CCKBR: variants seen among roughly 807,000 people sequenced by gnomAD.
CCKBR encodes the protein cholecystokinin B receptor.
In CCKBR, 33 loss-of-function variants were observed where a neutral mutation model predicts 34.6. The observed-to-expected ratio is 0.95, with a 90% CI of 0.72 to 1.27. The LOEUF (loss-of-function observed/expected upper bound fraction) is 1.27, where lower values mean the gene tolerates loss of function less well. Among genes scored for constraint, CCKBR ranks in the 50% most tolerant of loss-of-function variants. The pLI, the probability that CCKBR is intolerant of heterozygous loss-of-function variation, is 0.00. For missense variants in CCKBR, 652 were observed against 617.4 expected, an observed-to-expected ratio of 1.06 and a Z score of -0.59; for synonymous variants, 269 against 267.5, an observed-to-expected ratio of 1.01 and a Z score of -0.06.
chr11:6,261,454 A>AAAT lies in CCKBR; in HGVS notation c.151+1376_151+1377insATA, dbSNP rs1447691939. On this transcript the variant is annotated intron_variant, in intron 1 of 4. Transcript: ENST00000334619. ...GTTGGCAAAAAAAAAAAAAAAAAAA[A>AAAT]ATATATATACACACACACACACACA... Among the ~76,000 whole-genome samples the AAAT allele has an allele frequency of 1.1e-3, 70 of 60,882 alleles. 4 individuals carry two copies. The highest frequency in any genetic ancestry group is 4.1e-3 in the African/African-American group (66 of 15,944). The allele number at this position is 60,882 out of a possible 152,430, so 39.9% of individuals were successfully genotyped here.
At position 6,271,548 on chromosome 11, in the gene CCKBR, T is replaced by G. The variant is rs760096070; in HGVS notation, c.*5T>G. 2.4e-5 allele frequency: 38 copies of G among 1,578,438 alleles called. No individual in the cohort carries two copies. Among genetic ancestry groups the G allele is most frequent in the Non-Finnish European group, 3.0e-5 (35 of 1,162,662 alleles). ...AGCACACTGGGCCCTGGCTGAGGAG[T>G]AGAGGGGCCGTGGGGGTTGAGGCAG... On this transcript the variant is annotated 3_prime_UTR_variant, in exon 5 of 5. Transcript: ENST00000334619.
chr11:6,269,539 C>A (rs1222339162), intron 1 of CCKBR, 130 bp from the exon 2 acceptor site: 3 of 1,061,382 alleles, frequency 2.8e-6, no homozygotes, highest in Non-Finnish European at 4.2e-6. Flanking sequence ...TCACCATTTA[C>A]TGAGCAGTTC....
chr11:6,269,130 C>G (rs1160375701), intron 1 of CCKBR, among the ~76,000 whole-genome samples: 1 of 137,700 alleles, frequency 7.3e-6, no homozygotes, highest in Non-Finnish European at 1.5e-5. Context: ...GGGTTGCAGA[C>G]AGTAGAGAGT....
chr11:6,267,719 C>G (rs1305496748), intron 1 of CCKBR, among the ~76,000 whole-genome samples: 1 of 152,170 alleles, frequency 6.6e-6, no homozygotes, highest in African/African-American at 2.4e-5. Flanking sequence ...ATATGACTGA[C>G]AGCACAGTAG....
chr11:6,270,440 C>A, intron 3 of CCKBR, 103 bp downstream of exon 3: 1 of 1,464,074 alleles, frequency 6.8e-7, no homozygotes, highest in Non-Finnish European at 9.3e-7. Context: ...AGAATTACCA[C>A]GCCAACTCCT....
intron 1 of CCKBR, among the ~76,000 whole-genome samples, chr11:6,265,336 A>G (rs1219579648): frequency 6.6e-6 from 1 of 152,230 alleles, no homozygotes; most frequent in East Asian, 1.9e-4. Context: ...TATAAGGGTA[A>G]TATTTAGCTC....
In CCKBR at chr11:6,269,621, T is replaced by A. The variant is rs112907792; in HGVS notation, c.152-48T>A. ...TAAGACGGAAGGAGGGGGATTTGAC[T>A]GAATGAAGGCTGACCCCCTACTGCC... On this transcript the variant is annotated intron_variant, in intron 1 of 4. Transcript: ENST00000334619. 3.5e-5 allele frequency: 56 copies of A among 1,596,392 alleles called. No individual in the cohort carries two copies. The African/African-American group carries it at 3.7e-4, about 11-fold the overall frequency.
intron 1 of CCKBR, among the ~76,000 whole-genome samples, chr11:6,263,575 A>C (rs1308805513): frequency 6.7e-6 from 1 of 149,460 alleles, no homozygotes; most frequent in Non-Finnish European, 1.5e-5. Flanking sequence ...GGCTCAAGTG[A>C]TCCTCCCACC....
chr11:6,269,679 G>A lies in CCKBR; in HGVS notation c.162G>A (p.Leu54=). 6.2e-7 allele frequency: 1 copy of A among 1,613,524 alleles called. No homozygotes were observed. The highest frequency in any genetic ancestry group is 8.5e-7 in the Non-Finnish European group (1 of 1,179,966). ...IRGAGTRELE[L]AIRITLYAVI... is the part of the protein sequence containing the mutation. Reference sequence around the variant, plus strand: ...CCTTTTCTTACCCAGAATTGGAGCTGGCCATTAGAATCACTCTTTACGCAG... The same window carrying A: ...CCTTTTCTTACCCAGAATTGGAGCTAGCCATTAGAATCACTCTTTACGCAG... The change falls in exon 2 of 5, where the codon CTG becomes CTA. Residue 54 remains leucine (L), a synonymous_variant. Coordinates refer to ENST00000334619, the MANE Select transcript of CCKBR (RefSeq NM_176875.4).
chr11:6,269,269 G>A (rs1848255389), intron 1 of CCKBR, among the ~76,000 whole-genome samples: 1 of 152,006 alleles, frequency 6.6e-6, no homozygotes, highest in South Asian at 2.1e-4. Context: ...AATAGAGTAG[G>A]CTAAGAAAGG....
chr11:6,270,966 G>C (rs575229231), intron 4 of CCKBR, 45 bp from the exon 5 acceptor site: 1 of 1,612,664 alleles, frequency 6.2e-7, no homozygotes, highest in Non-Finnish European at 8.5e-7. Flanking sequence ...GCTGGAGACT[G>C]GGGGGACTCG....
rs915967567 is a variant in CCKBR, at chr11:6,259,927, C to G, written c.-2C>G. 2.8e-6 allele frequency: 4 copies of G among 1,445,102 alleles called. No individual in the cohort carries two copies. The highest frequency in any genetic ancestry group is 2.7e-6 in the Non-Finnish European group (3 of 1,102,412). 89.5% of individuals were successfully genotyped at this position (1,445,102 alleles called of 1,614,324 possible). On this transcript the variant is annotated 5_prime_UTR_variant, in exon 1 of 5. Transcript: ENST00000334619. Reference sequence around the variant, plus strand: ...AGTAAGGCGGCGGGCTCGGCGGGGGCCATGGAGCTGCTAAAGCTGAACCGG... The same window carrying G: ...AGTAAGGCGGCGGGCTCGGCGGGGGGCATGGAGCTGCTAAAGCTGAACCGG...
At chr11:6,266,623 G>T (rs1026274718) in intron 1 of CCKBR, among the ~76,000 whole-genome samples, 14 of 152,186 alleles carry the variant, frequency 9.2e-5, no homozygotes, top group African/African-American at 2.9e-4. Context: ...TTCTGATTCA[G>T]CCCCTTATCA....
intron 2 of CCKBR, 78 bp downstream of exon 2, chr11:6,269,998 G>C: frequency 1.3e-6 from 2 of 1,594,698 alleles, no homozygotes; most frequent in South Asian, 2.3e-5. Flanking sequence ...GTCTTCCCCG[G>C]TTGGCAGGGA....
chr11:6,271,512 A>T lies in CCKBR; in HGVS notation c.1313A>T (p.Tyr438Phe). 5 of 1,605,688 alleles carry T rather than the reference A, an allele frequency of 3.1e-6. No homozygotes were observed. Among genetic ancestry groups the T allele is most frequent in the Non-Finnish European group, 4.3e-6 (5 of 1,176,336 alleles). The change falls in exon 5 of 5, where the codon TAC becomes TTC. Residue 438 changes from tyrosine (Y) to phenylalanine (F), a missense_variant. Coordinates refer to ENST00000334619, the MANE Select transcript of CCKBR (RefSeq NM_176875.4). Reference sequence around the variant, plus strand: ...ATTGCTTCGCTGTCCAGGCTTAGCTACACCACCATCAGCACACTGGGCCCT... The same window carrying T: ...ATTGCTTCGCTGTCCAGGCTTAGCTTCACCACCATCAGCACACTGGGCCCT... ...PSIASLSRLS[Y>F]TTISTLGPG is the part of the protein sequence containing the mutation.
Position 6,271,087 on chromosome 11 carries a change from A to T in CCKBR, c.888A>T (p.Gln296His). 1 of 1,614,130 alleles carries T rather than the reference A, an allele frequency of 6.2e-7. No homozygotes were observed. The highest frequency in any genetic ancestry group is 2.2e-5 in the East Asian group (1 of 44,866). ...VGEDSDGCYVQLPRSRPALEL... is the reference protein window; with the variant it reads ...VGEDSDGCYVHLPRSRPALEL... ...AAGACAGCGATGGCTGCTACGTGCA[A>T]CTTCCACGTTCCCGGCCTGCCCTGG... Residue 296 changes from glutamine to histidine, a missense_variant, in exon 5 of 5, where the codon CAA becomes CAT. Gln to His is a conservative substitution (Grantham distance 24). Transcript: ENST00000334619.
At chr11:6,261,452 A>AT (rs1464632432) in intron 1 of CCKBR, among the ~76,000 whole-genome samples, 724 of 46,424 alleles carry the variant, frequency 0.016, 23 homozygotes, top group Middle Eastern at 0.036. Flanking sequence ...AAAAAAAAAA[A>AT]AAATATATAT....
chr11:6,260,367 C>G (rs902965144), intron 1 of CCKBR, among the ~76,000 whole-genome samples: 1 of 152,136 alleles, frequency 6.6e-6, no homozygotes, highest in South Asian at 2.1e-4. Context: ...ACACGCAGCC[C>G]CTCCTAGACA....
chr11:6,261,434 CAAAAAAAAA>C (rs71056733), intron 1 of CCKBR, among the ~76,000 whole-genome samples: 1 of 14,444 alleles, frequency 6.9e-5, no homozygotes, highest in African/African-American at 2.3e-4. Flanking sequence ...TTCCTGTTGG[CAAAAAAAAA>C]AAAAAAAAAA....
Sources: allele counts gnomAD v4.1 joint callset (sites outside exome capture counted in the v4.1 genomes callset), GRCh38; gene constraint gnomAD v4.1.1; transcripts MANE v1.5; gene names NCBI Gene and HGNC (gene_info 2026-07-23, HGNC 2026-07-21).